The following MAGI2 variants were observed in gnomAD, a reference collection of about 807,000 sequenced individuals.
MAGI2 encodes membrane-associated guanylate kinase, WW and PDZ domain-containing protein 2.
MAGI2 carries 35 observed loss-of-function variants against 133.3 expected under a neutral mutation model. The ratio of observed to expected loss-of-function variants is 0.26; its 90% CI spans 0.20 to 0.35. MAGI2 has a LOEUF of 0.35. Ranked by LOEUF, MAGI2 falls within the 10% of genes least tolerant of loss-of-function variation. The pLI, the probability that MAGI2 is intolerant of heterozygous loss-of-function variation, is 1.00. For missense variants in MAGI2, 1,636 were observed against 1,863.4 expected (o/e 0.88, Z 2.25); for synonymous variants, 729 against 710.6 (o/e 1.03, Z -0.41).
rs759903160 is a variant in MAGI2, at chr7:78,127,204, T to C, written c.3416A>G (p.Gln1139Arg). The change falls in exon 19 of 22, where the codon CAA (glutamine) becomes CGA (arginine). Residue 1139 changes from glutamine (Q) to arginine (R), a missense_variant. Gln to Arg is a conservative substitution (Grantham distance 43, BLOSUM62 1). Transcript: ENST00000354212. ...TRQYPLSDYR[Q>R]PQDFDYFTVD... ...CTCTCCGGGAGGAGGTACCTGGGGT[T>C]GTCTGTAGTCCGACAGAGGGTACTG... The C allele has an allele frequency of 1.9e-6, 3 of 1,578,058 alleles. No homozygotes were observed. The Admixed American group carries it at 5.6e-5, about 29-fold the overall frequency.
chr7:79,346,567 C>G (rs1318384616), intron 1 of MAGI2, among the ~76,000 whole-genome samples: 1 of 151,980 alleles, frequency 6.6e-6, no homozygotes, highest in Admixed American at 6.6e-5. Flanking sequence ...ATAAGGCTCT[C>G]TGCAACTGTA....
At chr7:78,933,780 T>C (rs944161269) in intron 2 of MAGI2, among the ~76,000 whole-genome samples, 1 of 152,090 alleles carries the variant, frequency 6.6e-6, no homozygotes, top group African/African-American at 2.4e-5. Flanking sequence ...CAATAAATCA[T>C]GTCAGTTTAT....
At chr7:79,156,489 C>T (rs1171692219) in intron 1 of MAGI2, among the ~76,000 whole-genome samples, 3 of 152,122 alleles carry the variant, frequency 2.0e-5, no homozygotes, top group African/African-American at 7.2e-5. Context: ...GAACCTTGGT[C>T]TCCACAATCT....
intron 1 of MAGI2, among the ~76,000 whole-genome samples, chr7:79,033,998 T>C (rs10244605): frequency 0.088 from 13,430 of 152,260 alleles, 706 homozygotes; most frequent in African/African-American, 0.14. Flanking sequence ...ATTTTTAGTA[T>C]ATTTTTTAAA....
intron 9 of MAGI2, among the ~76,000 whole-genome samples, chr7:78,322,437 A>G (rs1788097990): frequency 6.6e-6 from 1 of 152,250 alleles, no homozygotes; most frequent in Admixed American, 6.5e-5. Flanking sequence ...GCCATAAAAA[A>G]GGATATGTTT....
chr7:79,266,677 A>G (rs1452116456), intron 1 of MAGI2, among the ~76,000 whole-genome samples: 1 of 152,150 alleles, frequency 6.6e-6, no homozygotes, highest in Non-Finnish European at 1.5e-5. Flanking sequence ...AATAGTCTTT[A>G]AGAACTCCTT....
chr7:79,035,939 C>T (rs1325285338), intron 1 of MAGI2, among the ~76,000 whole-genome samples: 1 of 152,086 alleles, frequency 6.6e-6, no homozygotes, highest in African/African-American at 2.4e-5. Context: ...TGTCAGTACA[C>T]TGAATAATTT....
chr7:78,922,958 T>G (rs905187423), intron 2 of MAGI2, among the ~76,000 whole-genome samples: 40 of 152,148 alleles, frequency 2.6e-4, no homozygotes, highest in African/African-American at 9.7e-4. Context: ...GATGAGCATT[T>G]TTTCATGTGT....
At chr7:78,392,154 G>A (rs760290816) in intron 6 of MAGI2, among the ~76,000 whole-genome samples, 8 of 152,144 alleles carry the variant, frequency 5.3e-5, no homozygotes, top group Non-Finnish European at 1.0e-4. Context: ...GTATCCACGG[G>A]TAAAAGTAGA....
intron 20 of MAGI2, among the ~76,000 whole-genome samples, chr7:78,105,795 G>T (rs1405932795): frequency 6.6e-6 from 1 of 151,984 alleles, no homozygotes; most frequent in Non-Finnish European, 1.5e-5. Flanking sequence ...CATACAATGT[G>T]TAATAATCAC....
intron 9 of MAGI2, among the ~76,000 whole-genome samples, chr7:78,324,375 C>T (rs902183563): frequency 3.9e-5 from 6 of 152,118 alleles, no homozygotes; most frequent in Admixed American, 3.9e-4. Flanking sequence ...CCAGTTTAGT[C>T]GTGTTGACTG....
At chr7:79,187,994 T>A (rs1258839875) in intron 1 of MAGI2, among the ~76,000 whole-genome samples, 4 of 151,838 alleles carry the variant, frequency 2.6e-5, no homozygotes, top group African/African-American at 4.8e-5. Flanking sequence ...TTATTTGGAG[T>A]TTGCCTCTGT....
intron 1 of MAGI2, among the ~76,000 whole-genome samples, chr7:79,276,040 G>A (rs369177360): frequency 2.0e-5 from 3 of 152,256 alleles, no homozygotes; most frequent in East Asian, 3.9e-4. Context: ...CACCCATTCT[G>A]CAGTCAATGG....
At chr7:78,933,528 T>G (rs1393352494) in intron 2 of MAGI2, among the ~76,000 whole-genome samples, 1 of 152,172 alleles carries the variant, frequency 6.6e-6, no homozygotes, top group Admixed American at 6.6e-5. Flanking sequence ...AATTATACCT[T>G]TAGAATTCAT....
At chr7:78,372,180 A>C (rs1793985433) in intron 6 of MAGI2, among the ~76,000 whole-genome samples, 1 of 152,114 alleles carries the variant, frequency 6.6e-6, no homozygotes, top group Non-Finnish European at 1.5e-5. Context: ...TAGTATGCTA[A>C]TGAAAAAACA....
intron 2 of MAGI2, among the ~76,000 whole-genome samples, chr7:79,003,666 C>T (rs1305255065): frequency 6.6e-6 from 1 of 152,188 alleles, no homozygotes; most frequent in Non-Finnish European, 1.5e-5. Flanking sequence ...CAGGATTTTT[C>T]ACATCATGGA....
chr7:78,834,965 G>A (rs867375316), intron 2 of MAGI2, among the ~76,000 whole-genome samples: 1 of 152,268 alleles, frequency 6.6e-6, no homozygotes, highest in Middle Eastern at 3.4e-3. Flanking sequence ...CTCAGAAGCT[G>A]AGCAGATGCC....
chr7:78,524,264 GA>G (rs1179966045), intron 3 of MAGI2, among the ~76,000 whole-genome samples: 2 of 152,174 alleles, frequency 1.3e-5, no homozygotes, highest in African/African-American at 2.4e-5. Flanking sequence ...CGCCCCGGCA[GA>G]AAGGGCCTTG....
intron 1 of MAGI2, among the ~76,000 whole-genome samples, chr7:79,157,735 T>G (rs903887218): frequency 6.6e-6 from 1 of 152,004 alleles, no homozygotes; most frequent in African/African-American, 2.4e-5. Context: ...GCCCTAAGTT[T>G]GACTTGCCAA....
Sources: allele counts gnomAD v4.1 joint callset (sites outside exome capture counted in the v4.1 genomes callset), GRCh38; gene constraint gnomAD v4.1.1; transcripts MANE v1.5; gene names NCBI Gene and HGNC (gene_info 2026-07-23, HGNC 2026-07-21).